TTBK1: variants seen among roughly 807,000 people sequenced by gnomAD.
TTBK1 encodes the protein tau-tubulin kinase 1.
In TTBK1, 34 loss-of-function variants were observed where a neutral mutation model predicts 108.5. The ratio of observed to expected loss-of-function variants is 0.31; its 90% CI spans 0.24 to 0.42. The LOEUF is 0.42. Among genes scored for constraint, TTBK1 ranks in the 10% least tolerant of loss-of-function variants. The pLI, the probability that TTBK1 is intolerant of heterozygous loss-of-function variation, is 1.00. For missense variants in TTBK1, 1,539 were observed against 1,826.0 expected, an observed-to-expected ratio of 0.84 and a Z score of 2.86; for synonymous variants, 809 against 795.1, an observed-to-expected ratio of 1.02 and a Z score of -0.29.
In TTBK1 at chr6:43,269,891, G is replaced by T; in HGVS notation, c.1986+6541G>T. The T allele has an allele frequency of 6.6e-7, 1 of 1,517,700 alleles. No homozygotes were observed. Among genetic ancestry groups the T allele is most frequent in the Non-Finnish European group, 8.8e-7 (1 of 1,136,484 alleles). The allele number at this position is 1,517,700 out of a possible 1,614,324, so 94.0% of individuals were successfully genotyped here. A position where few individuals can be genotyped will look rare whatever the true frequency, so the allele number is the denominator to read the frequency against. On this transcript the variant is annotated intron_variant, in intron 13 of 14. Transcript: ENST00000259750. This position sits in a 1 kb window ranked among gnomAD's most constrained non-coding sequence, Gnocchi z 4.8. ...GCAACCACAGACTCATGCCCTCGGT[G>T]CTCCGCATCTCGCGGTCCCAGCTGC...
chr6:43,282,999 G>GGAGGAA lies in TTBK1; in HGVS notation c.2271_2276dup (p.Glu770_Glu771dup), dbSNP rs746941763. 1.3e-6 allele frequency: 2 copies of GGAGGAA among 1,599,988 alleles called. No individual in the cohort carries two copies. The highest frequency in any genetic ancestry group is 4.5e-5 in the East Asian group (2 of 44,544). ...AAGAAGAGGATGAGGAAGAAGAAGA[G>GGAGGAA]GAGGAAGAGGAAGAGGAGGAGGAAG... On this transcript the variant is annotated inframe_insertion, in exon 14 of 15. Transcript: ENST00000259750. This position sits in a 1 kb window ranked among gnomAD's most constrained non-coding sequence, Gnocchi z 5.4.
At chr6:43,277,039 C>A (rs1049060539) in intron 13 of TTBK1, among the ~76,000 whole-genome samples, 3 of 152,072 alleles carry the variant, frequency 2.0e-5, no homozygotes, top group Admixed American at 6.5e-5. Flanking sequence ...CTGGGCCCAC[C>A]AGGCCCAGTG....
At chr6:43,270,516 C>G in intron 13 of TTBK1, 1 of 985,602 alleles carries the variant, frequency 1.0e-6, no homozygotes, top group Non-Finnish European at 1.2e-6. Flanking sequence ...GGGAGTGTTT[C>G]AATGCTCAGT....
intron 1 of TTBK1, among the ~76,000 whole-genome samples, chr6:43,245,760 A>C (rs1777069083): frequency 6.6e-6 from 1 of 152,176 alleles, no homozygotes; most frequent in Non-Finnish European, 1.5e-5. Context: ...CAGACACAGA[A>C]AGGTGTGGTC....
Position 43,283,460 on chromosome 6 carries a change from G to T in TTBK1, c.2720G>T (p.Gly907Val). The change falls in exon 14 of 15, where the codon GGG (glycine) becomes GTG (valine). Residue 907 changes from glycine (G) to valine (V), a missense_variant. Physicochemically the swap from Gly to Val is moderately radical, Grantham distance 109. This residue lies in a region of TTBK1 where 1,055 missense variants were observed against 1,086.5 expected (regional missense o/e 0.97). Coordinates refer to ENST00000259750, the MANE Select transcript of TTBK1 (RefSeq NM_032538.3). This position sits in a 1 kb window ranked among gnomAD's most constrained non-coding sequence, Gnocchi z 8.1. ...GGGCCTGGGGCAGGGCTGGGGGCCGGGACAGTGACCACAGGGGTCGGGGGC... is the reference window on the plus strand; with the variant it reads ...GGGCCTGGGGCAGGGCTGGGGGCCGTGACAGTGACCACAGGGGTCGGGGGC... ...PPGPGAGLGA[G>V]TVTTGVGGVA... 2 of 1,614,026 alleles carry T rather than the reference G, an allele frequency of 1.2e-6. No homozygotes were observed. Among genetic ancestry groups the T allele is most frequent in the Non-Finnish European group, 1.7e-6 (2 of 1,179,962 alleles).
At position 43,285,190 on chromosome 6, in the gene TTBK1, CT is replaced by C; in HGVS notation, c.3781del (p.Ser1261ProfsTer122). 7.3e-7 allele frequency: 1 copy of C among 1,364,220 alleles called. No individual in the cohort carries two copies. Among genetic ancestry groups the C allele is most frequent in the Non-Finnish European group, 9.4e-7 (1 of 1,064,804 alleles). The allele number at this position is 1,364,220 out of a possible 1,614,324, so 84.5% of individuals were successfully genotyped here. On this transcript the variant is annotated frameshift_variant, in exon 15 of 15. Transcript: ENST00000259750. LOFTEE classifies it high-confidence loss of function. This position sits in a 1 kb window ranked among gnomAD's most constrained non-coding sequence, Gnocchi z 4.7. ...AGTCCCTGTCCCGCAGAGAGAGCCCCTCCCCCTCGCACCAGGCCCGGCCCGG... is the reference window on the plus strand; with the variant it reads ...AGTCCCTGTCCCGCAGAGAGAGCCCCCCCCCTCGCACCAGGCCCGGCCCGG... ...SQSLSRRESP[S>X]PSHQARPGVP...
In TTBK1 at chr6:43,263,279, T is replaced by C; in HGVS notation, c.1915T>C (p.Ser639Pro). The C allele has an allele frequency of 6.5e-7, 1 of 1,528,870 alleles. No individual in the cohort carries two copies. The highest frequency in any genetic ancestry group is 8.8e-7 in the Non-Finnish European group (1 of 1,135,456). The allele number at this position is 1,528,870 out of a possible 1,614,324, so 94.7% of individuals were successfully genotyped here. A position where few individuals can be genotyped will look rare whatever the true frequency, so the allele number is the denominator to read the frequency against. The change falls in exon 13 of 15, where the codon TCC becomes CCC. Residue 639 changes from serine (S) to proline (P), a missense_variant. Coordinates refer to ENST00000259750, the MANE Select transcript of TTBK1 (RefSeq NM_032538.3). This position sits in a 1 kb window ranked among gnomAD's most constrained non-coding sequence, Gnocchi z 4.7. Reference sequence around the variant, plus strand: ...ACAGCCCCCCACGCCTGGCAGCCCTTCCCACTCACCCCTGCACTCGGGACC... The same window carrying C: ...ACAGCCCCCCACGCCTGGCAGCCCTCCCCACTCACCCCTGCACTCGGGACC... ...TSQPPTPGSP[S>P]HSPLHSGPRP... is the part of the protein sequence containing the mutation.
Position 43,248,257 on chromosome 6 carries a change from C to T in TTBK1, c.108+1489C>T, listed in dbSNP as rs946651214. ...TGGCAACCTCTCCTCACCTCCGACCCCCACCCCTGGAGTGTTAGAGAGGGT... is the reference window on the plus strand; with the variant it reads ...TGGCAACCTCTCCTCACCTCCGACCTCCACCCCTGGAGTGTTAGAGAGGGT... On this transcript the variant is annotated intron_variant, in intron 2 of 14. Transcript: ENST00000259750. Among the ~76,000 whole-genome samples, 5 of 152,118 alleles carry T rather than the reference C, an allele frequency of 3.3e-5. No homozygotes were observed. In the East Asian group the frequency reaches 5.8e-4, roughly 18 times the overall value.
intron 2 of TTBK1, among the ~76,000 whole-genome samples, chr6:43,252,314 A>G (rs1777266028): frequency 6.6e-6 from 1 of 151,332 alleles, no homozygotes; most frequent in South Asian, 2.1e-4. Flanking sequence ...GAGAGACATG[A>G]GGTTCGCCCC....
chr6:43,247,207 C>G (rs1487508488), intron 2 of TTBK1, among the ~76,000 whole-genome samples: 1 of 152,130 alleles, frequency 6.6e-6, no homozygotes, highest in Non-Finnish European at 1.5e-5. Flanking sequence ...CTGCAGGCTG[C>G]TCCCGCCGCA....
At chr6:43,250,348 C>CTTTT (rs555371314) in intron 2 of TTBK1, among the ~76,000 whole-genome samples, 14 of 89,112 alleles carry the variant, frequency 1.6e-4, no homozygotes, top group Non-Finnish European at 2.4e-4. Context: ...CCTGGCTTTG[C>CTTTT]TTTTTTTTTT....
At position 43,259,241 on chromosome 6, in the gene TTBK1, G is replaced by A. The variant is rs751877429; in HGVS notation, c.1220G>A (p.Arg407Gln). 7 of 1,569,946 alleles carry A rather than the reference G, an allele frequency of 4.5e-6. No homozygotes were observed. Among genetic ancestry groups the A allele is most frequent in the Admixed American group, 3.8e-5 (2 of 52,178 alleles). The change falls in exon 11 of 15, where the codon CGG becomes CAG. Residue 407 changes from arginine (R) to glutamine (Q), a missense_variant. Physicochemically the swap from Arg to Gln is conservative, Grantham distance 43. Coordinates refer to ENST00000259750, the MANE Select transcript of TTBK1 (RefSeq NM_032538.3). This position sits in a 1 kb window ranked among gnomAD's most constrained non-coding sequence, Gnocchi z 6.7. ...GTCTGGGAGGAGACAGATGTCAACCGGAACAAACTCCGGATCAACATCGGC... is the reference window on the plus strand; with the variant it reads ...GTCTGGGAGGAGACAGATGTCAACCAGAACAAACTCCGGATCAACATCGGC... ...AEVWEETDVNRNKLRINIGKS... is the reference protein window; with the variant it reads ...AEVWEETDVNQNKLRINIGKS...
intron 6 of TTBK1, among the ~76,000 whole-genome samples, 164 bp downstream of exon 6, chr6:43,254,815 G>A (rs146255790): frequency 3.3e-5 from 5 of 152,136 alleles, no homozygotes; most frequent in Admixed American, 1.3e-4. Context: ...GTCCCCTCTC[G>A]CCGTTAGCCT....
Position 43,287,325 on chromosome 6 carries a change from GATATGA to G in TTBK1, c.*1950_*1955del, listed in dbSNP as rs1778406364. 1 of 152,530 alleles carries G rather than the reference GATATGA, an allele frequency of 6.6e-6. No homozygotes were observed. Among genetic ancestry groups the G allele is most frequent in the African/African-American group, 2.4e-5 (1 of 41,376 alleles). 9.4% of individuals were successfully genotyped at this position (152,530 alleles called of 1,614,324 possible). A position where few individuals can be genotyped will look rare whatever the true frequency, so the allele number is the denominator to read the frequency against. On this transcript the variant is annotated 3_prime_UTR_variant, in exon 15 of 15. Transcript: ENST00000259750. The surrounding 1 kb of genome is among the most constrained non-coding windows in gnomAD (Gnocchi z 4.1). ...TCAGCTCGTGCCAGGTGGGGACCAG[GATATGA>G]CTCCTGGTGCCCAGGCCCTGGGCCT...
rs908728617 is a variant in TTBK1 at position 43,259,809 on chromosome 6, C to A, written c.1424+103C>A. The A allele has an allele frequency of 8.2e-7, 1 of 1,223,864 alleles. No individual in the cohort carries two copies. Among genetic ancestry groups the A allele is most frequent in the African/African-American group, 1.5e-5 (1 of 65,168 alleles). The allele number at this position is 1,223,864 out of a possible 1,614,324, so 75.8% of individuals were successfully genotyped here. On this transcript the variant is annotated intron_variant, in intron 12 of 14. Transcript: ENST00000259750. The surrounding 1 kb of genome is among the most constrained non-coding windows in gnomAD (Gnocchi z 6.7). ...GATGTGTGGCGGAGGTGGGCAGACCCTGGGAAGTGCTGAGAGGGTTATACT... is the reference window on the plus strand; with the variant it reads ...GATGTGTGGCGGAGGTGGGCAGACCATGGGAAGTGCTGAGAGGGTTATACT...
At chr6:43,248,979 G>A (rs1777169433) in intron 2 of TTBK1, among the ~76,000 whole-genome samples, 2 of 152,136 alleles carry the variant, frequency 1.3e-5, no homozygotes, top group Admixed American at 1.3e-4. Flanking sequence ...AACTTACCAA[G>A]TAGATTTGTA....
chr6:43,254,938 C>A, intron 6 of TTBK1, 111 bp from the exon 7 acceptor site: 1 of 1,118,706 alleles, frequency 8.9e-7, no homozygotes. Context: ...AGGCCCACCT[C>A]CCCAGCCAGG....
chr6:43,279,088 C>T (rs1470040115), intron 13 of TTBK1, among the ~76,000 whole-genome samples: 1 of 152,216 alleles, frequency 6.6e-6, no homozygotes, highest in Non-Finnish European at 1.5e-5. Flanking sequence ...ATCCATGCCC[C>T]TCTCTGTGCC....
Position 43,263,200 on chromosome 6 carries a change from G to A in TTBK1, c.1836G>A (p.Pro612=), listed in dbSNP as rs1025416628. 1.0e-5 allele frequency: 16 copies of A among 1,578,606 alleles called. No individual in the cohort carries two copies. The highest frequency in any genetic ancestry group is 3.5e-5 in the South Asian group (3 of 86,548). The change falls in exon 13 of 15, where the codon CCG becomes CCA. Residue 612 remains proline, a synonymous_variant. Transcript: ENST00000259750. This position sits in a 1 kb window ranked among gnomAD's most constrained non-coding sequence, Gnocchi z 4.7. ...CGGAGGAGGACCTGCAGCATTTGCCGCCCCAGCCCCTGCCACCCCAGCTGA... is the reference window on the plus strand; with the variant it reads ...CGGAGGAGGACCTGCAGCATTTGCCACCCCAGCCCCTGCCACCCCAGCTGA... ...ALAEEDLQHL[P]PQPLPPQLSQ...
Sources: gnomAD v4.1 joint callset for allele counts (sites outside exome capture counted in the v4.1 genomes callset) on GRCh38, gnomAD v4.1.1 for gene constraint, gnomAD v4.1.1 regional missense constraint, Gnocchi (gnomAD v3.1) non-coding constraint, MANE v1.5 for transcripts, NCBI Gene and HGNC (gene_info 2026-07-23, HGNC 2026-07-21) for gene names.